The following CUBN variants were observed in gnomAD, a reference collection of about 807,000 sequenced individuals.
CUBN encodes the protein cubilin.
A neutral mutation model predicts 405.3 loss-of-function variants in CUBN; 282 were observed. The ratio of observed to expected loss-of-function variants is 0.70; its 90% CI spans 0.63 to 0.77. The LOEUF (loss-of-function observed/expected upper bound fraction) is 0.77, where lower values mean the gene tolerates loss of function less well. Among genes scored for constraint, CUBN ranks in the 30% least tolerant of loss-of-function variants. The pLI, the probability that CUBN is intolerant of heterozygous loss-of-function variation, is 0.00. For synonymous variants in CUBN, 1,684 were observed against 1,617.0 expected (o/e 1.04, Z -0.99); for missense variants, 4,514 against 4,475.2 (o/e 1.01, Z -0.25).
intron 60 of CUBN, among the ~76,000 whole-genome samples, chr10:16,846,100 GCA>G (rs1839500510): frequency 1.3e-5 from 2 of 152,220 alleles, no homozygotes; most frequent in Admixed American, 6.5e-5. Flanking sequence ...AAATATTTTT[GCA>G]CAGTTTTGAT....
At position 17,084,189 on chromosome 10, in the gene CUBN, C is replaced by T. The variant is rs1015219686; in HGVS notation, c.2301+82G>A. The T allele has an allele frequency of 5.0e-6, 7 of 1,412,882 alleles. No individual in the cohort carries two copies. The African/African-American group carries it at 8.5e-5, about 17-fold the overall frequency. The allele number at this position is 1,412,882 out of a possible 1,614,324, so 87.5% of individuals were successfully genotyped here. A position where few individuals can be genotyped will look rare whatever the true frequency, so the allele number is the denominator to read the frequency against. Reference sequence around the variant, plus strand: ...GGTATTCTGGCTGCTGGTGGCCCAACAATCTTTTGAAGACCACCACTCTGC... The same window carrying T: ...GGTATTCTGGCTGCTGGTGGCCCAATAATCTTTTGAAGACCACCACTCTGC... On this transcript the variant is annotated intron_variant, in intron 17 of 66. Coordinates refer to ENST00000377833, the MANE Select transcript of CUBN (RefSeq NM_001081.4).
At chr10:17,036,753 A>T (rs985128934) in intron 27 of CUBN, among the ~76,000 whole-genome samples, 3 of 152,222 alleles carry the variant, frequency 2.0e-5, no homozygotes, top group African/African-American at 7.2e-5. Context: ...GAAAGAGGTG[A>T]TTATAATAAA....
intron 65 of CUBN, among the ~76,000 whole-genome samples, chr10:16,829,693 A>T (rs1343427458): frequency 6.6e-6 from 1 of 152,236 alleles, no homozygotes; most frequent in Non-Finnish European, 1.5e-5. Flanking sequence ...TCTCTGGGAC[A>T]GGAAGAAGCT....
intron 40 of CUBN, 25 bp downstream of exon 40, chr10:16,933,060 ACT>A: frequency 6.2e-7 from 1 of 1,608,398 alleles, no homozygotes; most frequent in Middle Eastern, 1.7e-4. Flanking sequence ...CAGGGTTGAA[ACT>A]CAGCATTCTT....
chr10:17,017,019 T>A (rs899030914), intron 28 of CUBN, among the ~76,000 whole-genome samples: 1 of 152,148 alleles, frequency 6.6e-6, no homozygotes, highest in African/African-American at 2.4e-5. Context: ...CAGGCCATAG[T>A]GCAGAAAAAA....
chr10:16,994,815 C>T (rs1389133942), intron 28 of CUBN, among the ~76,000 whole-genome samples: 3 of 152,122 alleles, frequency 2.0e-5, no homozygotes, highest in African/African-American at 7.2e-5. Flanking sequence ...ACCAGCCAGG[C>T]GTGGTAGTTC....
chr10:17,037,724 G>T (rs1428373389), intron 27 of CUBN, among the ~76,000 whole-genome samples: 1 of 152,178 alleles, frequency 6.6e-6, no homozygotes, highest in Non-Finnish European at 1.5e-5. Flanking sequence ...GAGAAAAGAA[G>T]CCATCACTTA....
At chr10:16,961,974 A>C (rs1287616619) in intron 31 of CUBN, among the ~76,000 whole-genome samples, 3 of 152,076 alleles carry the variant, frequency 2.0e-5, no homozygotes, top group African/African-American at 7.2e-5. Flanking sequence ...AGCCTCCCAA[A>C]GTGCTGGGAT....
intron 32 of CUBN, among the ~76,000 whole-genome samples, chr10:16,953,207 C>T (rs1300696750): frequency 3.3e-5 from 5 of 150,676 alleles, no homozygotes; most frequent in African/African-American, 7.5e-5. Flanking sequence ...GAGGTTGTTA[C>T]AGTCCGGATG....
intron 51 of CUBN, among the ~76,000 whole-genome samples, chr10:16,901,936 C>CA (rs1564413067): frequency 2.5e-5 from 3 of 122,324 alleles, no homozygotes; most frequent in African/African-American, 6.5e-5. Context: ...CACACACACA[C>CA]CATATATAGT....
chr10:17,063,363 C>A (rs1459387421), intron 22 of CUBN, among the ~76,000 whole-genome samples: 1 of 152,270 alleles, frequency 6.6e-6, no homozygotes, highest in South Asian at 2.1e-4. Context: ...AACACTCCCT[C>A]GTCTGTGATT....
In CUBN at chr10:16,915,256, G is replaced by T. The variant is rs1463916475; in HGVS notation, c.7211-84C>A. On this transcript the variant is annotated intron_variant, in intron 46 of 66. Transcript: ENST00000377833. ...ATTCAAGGTGTCCTGTGTGTACAAA[G>T]AAAATAATAAAAAACAAGACCCTGC... 2.1e-5 allele frequency: 32 copies of T among 1,547,398 alleles called. No individual in the cohort carries two copies. The East Asian group carries it at 3.6e-4, about 17-fold the overall frequency.
chr10:17,049,879 T>C (rs185374322), intron 22 of CUBN, among the ~76,000 whole-genome samples: 4 of 152,348 alleles, frequency 2.6e-5, no homozygotes, highest in Non-Finnish European at 4.4e-5. Context: ...TATTTTGTAA[T>C]TGTTTTTATG....
chr10:16,974,302 C>T (rs1833025101), intron 31 of CUBN, among the ~76,000 whole-genome samples: 1 of 152,224 alleles, frequency 6.6e-6, no homozygotes, highest in Admixed American at 6.5e-5. Flanking sequence ...TTAGCTGAAG[C>T]ACTGTGCTGA....
chr10:16,976,871 A>T (rs952341129), intron 31 of CUBN, among the ~76,000 whole-genome samples: 3 of 151,892 alleles, frequency 2.0e-5, no homozygotes, highest in African/African-American at 7.3e-5. Flanking sequence ...TGAGGTGTTA[A>T]TTTTAGCTAT....
intron 59 of CUBN, among the ~76,000 whole-genome samples, chr10:16,859,515 A>T (rs1839955875): frequency 6.6e-6 from 1 of 152,204 alleles, no homozygotes; most frequent in African/African-American, 2.4e-5. Context: ...GTCCCCAGTT[A>T]TAGAAAGCAA....
chr10:16,908,536 AT>A (rs1841623164), intron 48 of CUBN, among the ~76,000 whole-genome samples: 1 of 152,252 alleles, frequency 6.6e-6, no homozygotes, highest in Non-Finnish European at 1.5e-5. Context: ...TTAGTTATGG[AT>A]TCAAAGCTTC....
chr10:17,104,893 C>T (rs962056742), intron 11 of CUBN, among the ~76,000 whole-genome samples: 17 of 150,102 alleles, frequency 1.1e-4, no homozygotes, highest in Admixed American at 7.3e-4. Context: ...ACTGCAACCT[C>T]TGCCTCCCGG....
intron 57 of CUBN, among the ~76,000 whole-genome samples, 172 bp from the exon 58 acceptor site, chr10:16,874,675 TC>T (rs1380929083): frequency 6.6e-6 from 1 of 152,246 alleles, no homozygotes; most frequent in Non-Finnish European, 1.5e-5. Flanking sequence ...TTCTGATTTT[TC>T]CACTAGGAAG....
Sources: gnomAD v4.1 joint callset for allele counts (sites outside exome capture counted in the v4.1 genomes callset) on GRCh38, gnomAD v4.1.1 for gene constraint, MANE v1.5 for transcripts, NCBI Gene and HGNC (gene_info 2026-07-23, HGNC 2026-07-21) for gene names.